NAALADL2: variants seen among roughly 807,000 people sequenced by gnomAD.
The protein encoded by NAALADL2 is inactive N-acetylated-alpha-linked acidic dipeptidase-like protein 2.
A neutral mutation model predicts 87.2 loss-of-function variants in NAALADL2; 76 were observed. That is an observed-to-expected ratio of 0.87 (90% CI 0.72 to 1.05). The LOEUF is 1.05. Ranked by LOEUF, NAALADL2 falls within the 50% of genes least tolerant of loss-of-function variation. The probability of loss-of-function intolerance (pLI) is 0.00; values close to 1 mark genes in which losing one functional copy is unlikely to be tolerated. For missense variants in NAALADL2, 1,089 were observed against 945.8 expected (o/e 1.15, Z -1.99); for synonymous variants, 354 against 331.0 (o/e 1.07, Z -0.75).
chr3:174,703,298 C>T (rs1325738166), intron 2 of NAALADL2, among the ~76,000 whole-genome samples: 1 of 147,474 alleles, frequency 6.8e-6, no homozygotes, highest in Non-Finnish European at 1.5e-5. Context: ...TGCTACCATG[C>T]CTGGCTTTTT....
rs1282457984 is a variant in NAALADL2 at position 175,256,516 on chromosome 3, C to T, written c.925C>T (p.Pro309Ser). ...QIALLKLGKL[P>S]LLYKLSSLEK... ...CGCACTCCTGAAATTAGGAAAATTGCCACTGCTTTATAAGGTTGGTCCAGT... is the reference window on the plus strand; with the variant it reads ...CGCACTCCTGAAATTAGGAAAATTGTCACTGCTTTATAAGGTTGGTCCAGT... Residue 309 changes from proline (P) to serine (S), a missense_variant, in exon 4 of 14, where the codon CCA becomes TCA. Pro to Ser is a moderately conservative substitution (Grantham distance 74, BLOSUM62 -1). Coordinates refer to ENST00000454872, the MANE Select transcript of NAALADL2 (RefSeq NM_207015.3). 3 of 1,611,552 alleles carry T rather than the reference C, an allele frequency of 1.9e-6. No homozygotes were observed. The highest frequency in any genetic ancestry group is 2.5e-6 in the Non-Finnish European group (3 of 1,179,002).
At chr3:174,869,032 T>A (rs903528711) in intron 1 of NAALADL2, among the ~76,000 whole-genome samples, 1 of 152,034 alleles carries the variant, frequency 6.6e-6, no homozygotes, top group African/African-American at 2.4e-5. Context: ...AGAGAGAAGA[T>A]AAAGATGACG....
intron 1 of NAALADL2, among the ~76,000 whole-genome samples, chr3:175,062,206 T>G (rs888827644): frequency 6.6e-6 from 1 of 152,124 alleles, no homozygotes; most frequent in African/African-American, 2.4e-5. Flanking sequence ...CAACTTAATC[T>G]TGAAGGAAAA....
rs371169743 is a variant in NAALADL2 at position 174,875,762 on chromosome 3, A to G, written c.43+16312A>G. 1.7e-4 allele frequency among the ~76,000 whole-genome samples: 26 copies of G among 151,524 alleles called. No individual in the cohort carries two copies. The East Asian group carries it at 4.6e-3, about 27-fold the overall frequency. On this transcript the variant is annotated intron_variant, in intron 1 of 13. Coordinates refer to ENST00000454872, the MANE Select transcript of NAALADL2 (RefSeq NM_207015.3). ...AAATAATTTTTGGCATTTTTTCATA[A>G]GCATTTAAAAGCAGTCTTAAAGTAA...
intron 1 of NAALADL2, among the ~76,000 whole-genome samples, chr3:174,442,307 C>A (rs751880569): frequency 1.3e-5 from 2 of 152,088 alleles, no homozygotes; most frequent in African/African-American, 4.8e-5. Context: ...ACGATTTTCA[C>A]CATTTTTTCC....
Position 175,576,126 on chromosome 3 carries a change from T to C in NAALADL2, c.1739T>C (p.Phe580Ser). 2 of 1,613,760 alleles carry C rather than the reference T, an allele frequency of 1.2e-6. No individual in the cohort carries two copies. Among genetic ancestry groups the C allele is most frequent in the South Asian group, 2.2e-5 (2 of 91,078 alleles). ...CAGATACAAGGTGATGCTGATTATT[T>C]CATCAACCATCTTGGAGTTCCCATC... ...SIQIQGDADYFINHLGVPIVQ... is the reference protein window; with the variant it reads ...SIQIQGDADYSINHLGVPIVQ... Residue 580 changes from phenylalanine (F) to serine (S), a missense_variant, in exon 10 of 14, where the codon TTC becomes TCC. Coordinates refer to ENST00000454872, the MANE Select transcript of NAALADL2 (RefSeq NM_207015.3).
intron 4 of NAALADL2, among the ~76,000 whole-genome samples, chr3:175,283,808 G>A (rs1035105618): frequency 2.0e-5 from 3 of 151,922 alleles, no homozygotes; most frequent in Non-Finnish European, 4.4e-5. Flanking sequence ...ATTGAAAATA[G>A]TTCTACATCA....
chr3:174,669,260 T>C (rs1209916913), intron 2 of NAALADL2, among the ~76,000 whole-genome samples: 1 of 51,590 alleles, frequency 1.9e-5, no homozygotes, highest in African/African-American at 1.1e-4. Context: ...TACTTTTTGA[T>C]GGGGTTTTTT....
At chr3:174,736,728 G>C (rs139629032) in intron 2 of NAALADL2, among the ~76,000 whole-genome samples, 3 of 152,256 alleles carry the variant, frequency 2.0e-5, no homozygotes, top group East Asian at 3.9e-4. Context: ...CAGCCCCCAG[G>C]CTTCAGGCCA....
intron 13 of NAALADL2, among the ~76,000 whole-genome samples, chr3:175,757,402 A>G (rs189496467): frequency 9.2e-5 from 14 of 152,240 alleles, no homozygotes; most frequent in Non-Finnish European, 4.4e-5. Flanking sequence ...CATTAGTACT[A>G]AAGTTCTGTG....
At chr3:175,207,002 TACAC>T (rs1282955609) in intron 2 of NAALADL2, among the ~76,000 whole-genome samples, 2 of 152,164 alleles carry the variant, frequency 1.3e-5, no homozygotes, top group African/African-American at 4.8e-5. Flanking sequence ...ACACTGGAGA[TACAC>T]ACAGAAACAC....
At chr3:174,626,088 ATTTTTT>A (rs34520470) in intron 2 of NAALADL2, among the ~76,000 whole-genome samples, 1 of 138,850 alleles carries the variant, frequency 7.2e-6, no homozygotes, top group Non-Finnish European at 1.6e-5. Context: ...ATAACTATAG[ATTTTTT>A]TTTTTTTTTT....
At chr3:175,743,189 T>G (rs1745480298) in intron 12 of NAALADL2, among the ~76,000 whole-genome samples, 1 of 152,052 alleles carries the variant, frequency 6.6e-6, no homozygotes. Context: ...TTAGTAGAGA[T>G]GGGGTTTCAC....
At chr3:175,125,434 T>G (rs966719485) in intron 2 of NAALADL2, among the ~76,000 whole-genome samples, 33 of 152,160 alleles carry the variant, frequency 2.2e-4, no homozygotes, top group African/African-American at 6.7e-4. Context: ...GGAGCCCTAT[T>G]GCACTAATCC....
intron 1 of NAALADL2, among the ~76,000 whole-genome samples, chr3:174,880,067 C>T (rs576729162): frequency 4.6e-5 from 7 of 152,054 alleles, no homozygotes; most frequent in East Asian, 3.9e-4. Flanking sequence ...TGGAGTGCCC[C>T]GGGGCTCAAC....
chr3:174,518,705 G>A (rs1311513380), intron 1 of NAALADL2, among the ~76,000 whole-genome samples: 1 of 151,108 alleles, frequency 6.6e-6, no homozygotes, highest in East Asian at 2.0e-4. Context: ...TCAATAGTTA[G>A]TTAGGTTTTC....
intron 4 of NAALADL2, among the ~76,000 whole-genome samples, chr3:175,322,633 A>T (rs1760056654): frequency 7.3e-6 from 1 of 136,768 alleles, no homozygotes; most frequent in Non-Finnish European, 1.5e-5. Context: ...AACTCAAACA[A>T]ATTTACAAGA....
intron 9 of NAALADL2, among the ~76,000 whole-genome samples, chr3:175,494,872 C>A (rs1413079033): frequency 6.6e-6 from 1 of 151,852 alleles, no homozygotes; most frequent in African/African-American, 2.4e-5. Flanking sequence ...TTTTGATATG[C>A]AATGCATATT....
intron 2 of NAALADL2, among the ~76,000 whole-genome samples, chr3:174,662,874 A>C (rs1356091646): frequency 2.0e-5 from 3 of 152,222 alleles, no homozygotes; most frequent in African/African-American, 2.4e-5. Context: ...TGCAGAGCAC[A>C]GTCTTCATGA....
Sources: allele counts gnomAD v4.1 joint callset (sites outside exome capture counted in the v4.1 genomes callset), GRCh38; gene constraint gnomAD v4.1.1; transcripts MANE v1.5; gene names NCBI Gene and HGNC (gene_info 2026-07-23, HGNC 2026-07-21).